The following CEACAM16 variants were observed in gnomAD, a reference collection of about 807,000 sequenced individuals.
The protein encoded by CEACAM16 is cell adhesion molecule CEACAM16.
A neutral mutation model predicts 39.4 loss-of-function variants in CEACAM16; 30 were observed. The observed-to-expected ratio is 0.76, with a 90% CI of 0.57 to 1.03. CEACAM16 has a LOEUF of 1.03. Among genes scored for constraint, CEACAM16 ranks in the 50% least tolerant of loss-of-function variants. CEACAM16 has a pLI of 0.00. For missense variants in CEACAM16, 521 were observed against 585.3 expected, an observed-to-expected ratio of 0.89 and a Z score of 1.13; for synonymous variants, 262 against 264.9, an observed-to-expected ratio of 0.99 and a Z score of 0.11.
At chr19:44,709,768 C>G (rs368674995) in intron 6 of CEACAM16, among the ~76,000 whole-genome samples, 627 of 138,890 alleles carry the variant, frequency 4.5e-3, no homozygotes, top group African/African-American at 8.4e-3. Context: ...GAGTCAGGGA[C>G]CATGTCTCCT....
chr19:44,701,712 A>G lies in CEACAM16; in HGVS notation c.37+219A>G, dbSNP rs1043872958. Among the ~76,000 whole-genome samples the G allele has an allele frequency of 5.3e-5, 8 of 152,136 alleles. No homozygotes were observed. Among genetic ancestry groups the G allele is most frequent in the Admixed American group, 6.6e-5 (1 of 15,260 alleles). On this transcript the variant is annotated intron_variant, in intron 2 of 6. Transcript: ENST00000587331. This position sits in a 1 kb window ranked among gnomAD's most constrained non-coding sequence, Gnocchi z 4.0. ...GAGAGGTTTTCAGGGTGGGCTTTGG[A>G]GATTTCTAAGCCCAGGGCACAAGCC...
Position 44,703,614 on chromosome 19 carries a change from G to T in CEACAM16, c.303G>T (p.Arg101=). 2 of 1,608,550 alleles carry T rather than the reference G, an allele frequency of 1.2e-6. No homozygotes were observed. The highest frequency in any genetic ancestry group is 1.7e-6 in the Non-Finnish European group (2 of 1,177,354). ...GSLDIQGILP[R]HSGTYILQTF... is the part of the protein sequence containing the mutation. ...TGGACATCCAGGGCATCCTGCCCCGGCACTCAGGCACCTACATCCTGCAGA... is the reference window on the plus strand; with the variant it reads ...TGGACATCCAGGGCATCCTGCCCCGTCACTCAGGCACCTACATCCTGCAGA... Residue 101 remains arginine, a synonymous_variant, in exon 3 of 7, where the codon CGG becomes CGT. Transcript: ENST00000587331.
intron 3 of CEACAM16, 87 bp downstream of exon 3, chr19:44,703,780 ATCC>A: frequency 1.3e-5 from 15 of 1,132,472 alleles, no homozygotes; most frequent in South Asian, 1.8e-5. Context: ...AAAAAAAAAA[ATCC>A]AACAAATCAT....
At chr19:44,708,307 C>G (rs577088481) in intron 6 of CEACAM16, 120 bp downstream of exon 6, 3 of 1,057,470 alleles carry the variant, frequency 2.8e-6, no homozygotes, top group African/African-American at 3.2e-5. Context: ...CATCCCCCAT[C>G]AGGCTGAAGG....
In CEACAM16 at chr19:44,710,604, C is replaced by A; in HGVS notation, c.*98C>A. 1 of 1,533,768 alleles carries A rather than the reference C, an allele frequency of 6.5e-7. No individual in the cohort carries two copies. Among genetic ancestry groups the A allele is most frequent in the Non-Finnish European group, 9.0e-7 (1 of 1,108,318 alleles). On this transcript the variant is annotated 3_prime_UTR_variant, in exon 7 of 7. Transcript: ENST00000587331. Reference sequence around the variant, plus strand: ...AACCACTCCCCCACAGCGAGGATGCCAGGCTGTGGTCCTGCTGTTCTCCTG... The same window carrying A: ...AACCACTCCCCCACAGCGAGGATGCAAGGCTGTGGTCCTGCTGTTCTCCTG...
At position 44,708,018 on chromosome 19, in the gene CEACAM16, G is replaced by A. The variant is rs765409052; in HGVS notation, c.1098G>A (p.Pro366=). The A allele has an allele frequency of 2.4e-5, 39 of 1,611,284 alleles. No individual in the cohort carries two copies. Among genetic ancestry groups the A allele is most frequent in the East Asian group, 2.0e-4 (9 of 44,856 alleles). Residue 366 remains proline, a synonymous_variant, in exon 6 of 7, where the codon CCG becomes CCA. Transcript: ENST00000587331. ...SEPNRLLSQL[P]SGTWIAGPAH... ...CCAACCGGCTGCTCAGCCAGCTGCCGTCAGGAACCTGGATTGCAGGCCCCG... is the reference window on the plus strand; with the variant it reads ...CCAACCGGCTGCTCAGCCAGCTGCCATCAGGAACCTGGATTGCAGGCCCCG...
Position 44,708,175 on chromosome 19 carries a change from C to A in CEACAM16, c.1255C>A (p.Leu419Met). 1 of 1,572,246 alleles carries A rather than the reference C, an allele frequency of 6.4e-7. No individual in the cohort carries two copies. The highest frequency in any genetic ancestry group is 8.7e-7 in the Non-Finnish European group (1 of 1,151,732). The part of the protein sequence containing the change: ...QGKTETLEVE[L>M]QVAPLG ...CAAGACTGAGACACTGGAAGTGGAGCTGCAGGTGGCCCGTGAGTGTGTGGG... is the reference window on the plus strand; with the variant it reads ...CAAGACTGAGACACTGGAAGTGGAGATGCAGGTGGCCCGTGAGTGTGTGGG... The change falls in exon 6 of 7, where the codon CTG becomes ATG. Residue 419 changes from leucine to methionine, a missense_variant. Transcript: ENST00000587331.
chr19:44,701,558 C>A lies in CEACAM16; in HGVS notation c.37+65C>A. ...AGGACCCCAGGGAGGGGAGGGGACC[C>A]CCAGTCTGAGAGAGGGAAGGTGTGA... On this transcript the variant is annotated intron_variant, in intron 2 of 6. Coordinates refer to ENST00000587331, the MANE Select transcript of CEACAM16 (RefSeq NM_001039213.4). The surrounding 1 kb of genome is among the most constrained non-coding windows in gnomAD (Gnocchi z 4.0). The A allele has an allele frequency of 1.4e-6, 2 of 1,473,794 alleles. No individual in the cohort carries two copies. The highest frequency in any genetic ancestry group is 1.2e-5 in the South Asian group (1 of 82,496). The allele number at this position is 1,473,794 out of a possible 1,614,324, so 91.3% of individuals were successfully genotyped here.
chr19:44,702,338 A>G (rs1270257843), intron 2 of CEACAM16, among the ~76,000 whole-genome samples: 2 of 151,986 alleles, frequency 1.3e-5, no homozygotes, highest in African/African-American at 4.8e-5. Context: ...AGGCCCACAC[A>G]TGAACCGCAC....
At chr19:44,705,987 A>G in intron 5 of CEACAM16, 119 bp downstream of exon 5, 1 of 1,222,038 alleles carries the variant, frequency 8.2e-7, no homozygotes, top group East Asian at 2.3e-5. Flanking sequence ...CAGTTCATTC[A>G]TGAGCTGTGA....
chr19:44,704,284 C>A lies in CEACAM16; in HGVS notation c.649C>A (p.Leu217Met). 6.6e-7 allele frequency: 1 copy of A among 1,516,682 alleles called. No homozygotes were observed. 94.0% of individuals were successfully genotyped at this position (1,516,682 alleles called of 1,614,324 possible). The change falls in exon 4 of 7, where the codon CTG becomes ATG. Residue 217 changes from leucine to methionine, a missense_variant. Leu to Met is a conservative substitution (Grantham distance 15, BLOSUM62 2). Transcript: ENST00000587331. Reference sequence around the variant, plus strand: ...TGTCAGCCGCAGCGAGCCCATCAACCTGACCGTGTACTGTGAGTCCTCCTG... The same window carrying A: ...TGTCAGCCGCAGCGAGCCCATCAACATGACCGTGTACTGTGAGTCCTCCTG... ...VSVSRSEPINLTVYFGPERVA... is the reference protein window; with the variant it reads ...VSVSRSEPINMTVYFGPERVA...
rs1181318449 is a variant in CEACAM16, at chr19:44,699,186, C to G, written c.-171C>G. On this transcript the variant is annotated 5_prime_UTR_variant, in exon 1 of 7. Coordinates refer to ENST00000587331, the MANE Select transcript of CEACAM16 (RefSeq NM_001039213.4). ...AGCGCCTAGAACAGCACCTGGCAAA[C>G]AATAGGTGCTCATTCAGTATTTGTC... 9.6e-6 allele frequency: 5 copies of G among 523,090 alleles called. No homozygotes were observed. Among genetic ancestry groups the G allele is most frequent in the South Asian group, 5.7e-5 (4 of 69,680 alleles). 32.4% of individuals were successfully genotyped at this position (523,090 alleles called of 1,614,324 possible). A position where few individuals can be genotyped will look rare whatever the true frequency, so the allele number is the denominator to read the frequency against.
At chr19:44,705,536 C>T in intron 4 of CEACAM16, 54 bp from the exon 5 acceptor site, 1 of 1,524,342 alleles carries the variant, frequency 6.6e-7, no homozygotes, top group Non-Finnish European at 8.9e-7. Flanking sequence ...GGGGTACCAA[C>T]CTCCACTCCT....
chr19:44,701,175 C>T lies in CEACAM16; in HGVS notation c.-96-186C>T, dbSNP rs1255506684. Among the ~76,000 whole-genome samples, 1 of 152,234 alleles carries T rather than the reference C, an allele frequency of 6.6e-6. No homozygotes were observed. Among genetic ancestry groups the T allele is most frequent in the Non-Finnish European group, 1.5e-5 (1 of 68,046 alleles). Reference sequence around the variant, plus strand: ...CGGTGACCTGGTTCCTCTCCCAGTACCAAATCCAGGCCCTCGGCACAAAGA... The same window carrying T: ...CGGTGACCTGGTTCCTCTCCCAGTATCAAATCCAGGCCCTCGGCACAAAGA... On this transcript the variant is annotated intron_variant, in intron 1 of 6. Coordinates refer to ENST00000587331, the MANE Select transcript of CEACAM16 (RefSeq NM_001039213.4). The surrounding 1 kb of genome is among the most constrained non-coding windows in gnomAD (Gnocchi z 4.0).
At chr19:44,700,488 A>G (rs1185562504) in intron 1 of CEACAM16, among the ~76,000 whole-genome samples, 1 of 152,172 alleles carries the variant, frequency 6.6e-6, no homozygotes, top group Non-Finnish European at 1.5e-5. Context: ...CATGTTGGCC[A>G]GGCTGATCTC....
chr19:44,705,412 T>G (rs7248283), intron 4 of CEACAM16, among the ~76,000 whole-genome samples, 178 bp from the exon 5 acceptor site: 84,975 of 151,954 alleles, frequency 0.56, 24,197 homozygotes, highest in South Asian at 0.64. Context: ...GAGATCCTCT[T>G]AGAGGGAGTG....
intron 6 of CEACAM16, among the ~76,000 whole-genome samples, chr19:44,709,527 C>G (rs1229738374): frequency 8.8e-6 from 1 of 114,200 alleles, no homozygotes; most frequent in Admixed American, 9.1e-5. Flanking sequence ...CATGTCTCCT[C>G]CATCAGACCG....
intron 2 of CEACAM16, among the ~76,000 whole-genome samples, chr19:44,702,593 G>A (rs979825635): frequency 3.3e-5 from 5 of 152,242 alleles, no homozygotes; most frequent in East Asian, 1.9e-4. Context: ...CCAGCTCATC[G>A]GGCTTGGGGC....
Position 44,710,626 on chromosome 19 carries a change from C to T in CEACAM16, c.*120C>T. 2 of 1,403,412 alleles carry T rather than the reference C, an allele frequency of 1.4e-6. No individual in the cohort carries two copies. Among genetic ancestry groups the T allele is most frequent in the African/African-American group, 1.4e-5 (1 of 71,114 alleles). 86.9% of individuals were successfully genotyped at this position (1,403,412 alleles called of 1,614,324 possible). A position where few individuals can be genotyped will look rare whatever the true frequency, so the allele number is the denominator to read the frequency against. On this transcript the variant is annotated 3_prime_UTR_variant, in exon 7 of 7. Coordinates refer to ENST00000587331, the MANE Select transcript of CEACAM16 (RefSeq NM_001039213.4). ...TGCCAGGCTGTGGTCCTGCTGTTCT[C>T]CTGCCTCCACCCTAGAGCTAGAGCC...
Sources: allele counts gnomAD v4.1 joint callset (sites outside exome capture counted in the v4.1 genomes callset), GRCh38; gene constraint gnomAD v4.1.1; non-coding constraint Gnocchi (gnomAD v3.1); transcripts MANE v1.5; gene names NCBI Gene and HGNC (gene_info 2026-07-23, HGNC 2026-07-21).